PCDHA4: variants seen among roughly 807,000 people sequenced by gnomAD.
The protein encoded by PCDHA4 is protocadherin alpha 4.
In PCDHA4, 49 loss-of-function variants were observed where a neutral mutation model predicts 61.4. The observed-to-expected ratio is 0.80, with a 90% confidence interval of 0.63 to 1.01. The LOEUF (loss-of-function observed/expected upper bound fraction) is 1.01. Ranked by LOEUF, PCDHA4 falls within the 50% of genes least tolerant of loss-of-function variation. The pLI is 0.00. For missense variants in PCDHA4, 1,254 were observed against 1,235.8 expected (o/e 1.01, Z -0.22); for synonymous variants, 590 against 550.3 (o/e 1.07, Z -1.01).
At chr5:140,909,951 G>A (rs560555991) in intron 1 of PCDHA4, among the ~76,000 whole-genome samples, 401 of 152,302 alleles carry the variant, frequency 2.6e-3, no homozygotes, top group African/African-American at 8.3e-3. Context: ...GTAAAAAGCC[G>A]TAGGTCTCCA....
Position 140,808,824 on chromosome 5 carries a change from G to C in PCDHA4, c.1637G>C (p.Gly546Ala), listed in dbSNP as rs142005186. ...TARDAGVPPL[G>A]SNVTLQVFVL... is the part of the protein sequence containing the mutation. The stretch of plus-strand genomic sequence containing the variant: ...CGCGATGCCGGCGTGCCACCTCTGG[G>C]CAGCAACGTGACGCTGCAGGTGTTC... Residue 546 changes from glycine to alanine, a missense_variant, in exon 1 of 4, where the codon GGC becomes GCC. By Grantham distance (60) the Gly-to-Ala change is moderately conservative. Coordinates refer to ENST00000530339, the MANE Select transcript of PCDHA4 (RefSeq NM_018907.4). The C allele has an allele frequency of 6.2e-7, 1 of 1,612,766 alleles. No individual in the cohort carries two copies. The highest frequency in any genetic ancestry group is 1.3e-5 in the African/African-American group (1 of 74,930).
chr5:140,993,783 T>C (rs1402072576), intron 3 of PCDHA4, among the ~76,000 whole-genome samples: 2 of 152,230 alleles, frequency 1.3e-5, no homozygotes, highest in East Asian at 3.9e-4. Flanking sequence ...TTTTGTACAG[T>C]AACATGCTGT....
chr5:140,908,626 T>A (rs1162805222), intron 1 of PCDHA4, among the ~76,000 whole-genome samples: 3 of 152,020 alleles, frequency 2.0e-5, no homozygotes, highest in African/African-American at 4.8e-5. Context: ...ATCCTTGAGG[T>A]CTCCACTGTG....
intron 1 of PCDHA4, among the ~76,000 whole-genome samples, chr5:140,916,315 A>C (rs1554197391): frequency 3.9e-5 from 6 of 152,204 alleles, no homozygotes; most frequent in Non-Finnish European, 8.8e-5. Context: ...GGTGCAAGAC[A>C]AAGTCCCCTT....
rs2150155445 is a variant in PCDHA4, at chr5:140,828,452, G to A, written c.2385+18880G>A. ...GCCGCTGCAGGTTTTCCATGTGGAC[G>A]TGGAGGTGAGGGACATTAACGACAA... On this transcript the variant is annotated intron_variant, in intron 1 of 3. Coordinates refer to ENST00000530339, the MANE Select transcript of PCDHA4 (RefSeq NM_018907.4). The A allele has an allele frequency of 2.5e-6, 4 of 1,614,166 alleles. No individual in the cohort carries two copies. In the South Asian group the frequency reaches 4.4e-5, roughly 18 times the overall value.
At chr5:140,868,885 TA>T in intron 1 of PCDHA4, 1 of 733,950 alleles carries the variant, frequency 1.4e-6, no homozygotes, top group East Asian at 2.8e-5. Flanking sequence ...CTCACAGTTT[TA>T]GGCGCAAGGT....
At chr5:140,896,318 C>T (rs1036368074) in intron 1 of PCDHA4, among the ~76,000 whole-genome samples, 8 of 152,150 alleles carry the variant, frequency 5.3e-5, no homozygotes, top group African/African-American at 1.9e-4. Flanking sequence ...AACTGCTTTC[C>T]ACAGTGGCTA....
intron 1 of PCDHA4, chr5:140,928,695 C>T (rs782305388): frequency 9.3e-6 from 15 of 1,614,058 alleles, no homozygotes; most frequent in Non-Finnish European, 1.3e-5. Context: ...ACCACATCTC[C>T]CGGGCGTCTG....
At chr5:140,931,519 A>G (rs578009368) in intron 1 of PCDHA4, among the ~76,000 whole-genome samples, 6 of 152,054 alleles carry the variant, frequency 3.9e-5, no homozygotes, top group Non-Finnish European at 8.8e-5. Flanking sequence ...TGAATGATTA[A>G]CAAAATAATA....
intron 1 of PCDHA4, among the ~76,000 whole-genome samples, chr5:140,886,270 T>A (rs957205805): frequency 2.0e-5 from 3 of 151,996 alleles, no homozygotes; most frequent in Admixed American, 6.5e-5. Flanking sequence ...ATAGATAAAA[T>A]TTTTTAAAAT....
chr5:140,824,150 C>T (rs147799360), intron 1 of PCDHA4: 58 of 1,611,190 alleles, frequency 3.6e-5, no homozygotes, highest in Non-Finnish European at 4.2e-5. Context: ...ATATTAACAT[C>T]CATCTTTCCC....
At chr5:140,997,668 T>TTGTGTGTGTG (rs35184029) in intron 3 of PCDHA4, among the ~76,000 whole-genome samples, 47 of 148,344 alleles carry the variant, frequency 3.2e-4, no homozygotes, top group East Asian at 1.8e-3. Flanking sequence ...ATTATACAGC[T>TTGTGTGTGTG]TGTGTGTGTG....
chr5:140,823,966 T>C (rs1457344203), intron 1 of PCDHA4: 2 of 1,613,828 alleles, frequency 1.2e-6, no homozygotes, highest in African/African-American at 2.7e-5. Context: ...CGAGGCCGTG[T>C]GCACACGGGG....
At chr5:140,848,904 CAAA>C in intron 1 of PCDHA4, 1 of 1,608,060 alleles carries the variant, frequency 6.2e-7, no homozygotes, top group Non-Finnish European at 8.5e-7. Context: ...CCCAGCGACA[CAAA>C]AGAATCTGTT....
In PCDHA4 at chr5:140,857,166, T is replaced by A. The variant is rs1554149611; in HGVS notation, c.2385+47594T>A. ...GGCACCGTCATTGCCCTAATCAGCG[T>A]TTCTGACCATGATTCAGGAGCCAAC... On this transcript the variant is annotated intron_variant, in intron 1 of 3. Transcript: ENST00000530339. 3.1e-6 allele frequency: 5 copies of A among 1,598,172 alleles called. No homozygotes were observed. The African/African-American group carries it at 5.4e-5, about 17-fold the overall frequency.
intron 1 of PCDHA4, among the ~76,000 whole-genome samples, chr5:140,954,151 A>G (rs2094989173): frequency 6.6e-6 from 1 of 152,226 alleles, no homozygotes; most frequent in Admixed American, 6.5e-5. Context: ...TCCATGGTGT[A>G]TATGTACCAC....
At chr5:140,884,020 G>A (rs61734917) in intron 1 of PCDHA4, 5 of 1,613,174 alleles carry the variant, frequency 3.1e-6, no homozygotes, top group East Asian at 2.2e-5. Flanking sequence ...TGCCGCGGTC[G>A]GTGGGTGCAG....
At chr5:140,864,124 T>C (rs528215401) in intron 1 of PCDHA4, 4 of 152,368 alleles carry the variant, frequency 2.6e-5, no homozygotes, top group South Asian at 2.1e-4. Flanking sequence ...TGAATTAGAC[T>C]GAGTGGCTGT....
intron 1 of PCDHA4, chr5:140,967,063 C>T (rs1554229129): frequency 6.2e-7 from 1 of 1,612,820 alleles, no homozygotes; most frequent in Non-Finnish European, 8.5e-7. Flanking sequence ...GTGGAGCGCT[C>T]TTCGTCAACG....
Sources: allele counts gnomAD v4.1 joint callset (sites outside exome capture counted in the v4.1 genomes callset), GRCh38; gene constraint gnomAD v4.1.1; transcripts MANE v1.5; gene names NCBI Gene and HGNC (gene_info 2026-07-23, HGNC 2026-07-21).